MDFIC2: variants seen among roughly 807,000 people sequenced by gnomAD.
MDFIC2 encodes myoD family inhibitor domain-containing protein 2.
chr3:70,274,927 A>C (rs1048052776), intron 2 of MDFIC2, among the ~76,000 whole-genome samples: 2 of 152,232 alleles, frequency 1.3e-5, no homozygotes, highest in African/African-American at 4.8e-5. Context: ...AGTTTGGCAA[A>C]ATGAGTTATA....
At chr3:70,212,338 A>G (rs1219781531) in intron 2 of MDFIC2, among the ~76,000 whole-genome samples, 2 of 152,108 alleles carry the variant, frequency 1.3e-5, no homozygotes, top group Non-Finnish European at 2.9e-5. Context: ...GCCTCTTTCT[A>G]CTAAGCCCCT....
At chr3:70,226,737 TAAA>T (rs369777217) in intron 2 of MDFIC2, among the ~76,000 whole-genome samples, 7 of 121,406 alleles carry the variant, frequency 5.8e-5, no homozygotes, top group African/African-American at 2.2e-4. Context: ...GACTCTGTCT[TAAA>T]AAAAAAAAAA....
In MDFIC2 at chr3:70,283,573, T is replaced by A. The variant is rs559816883; in HGVS notation, c.88+28313A>T. On this transcript the variant is annotated intron_variant, in intron 2 of 3. Coordinates refer to ENST00000567252, the MANE Select transcript of MDFIC2 (RefSeq NM_001364677.1). ...GCCTCCCCTAGCCTCTGTTACCTCATCTATACAATGAGCTTGGTTGTGTCC... is the reference window on the plus strand; with the variant it reads ...GCCTCCCCTAGCCTCTGTTACCTCAACTATACAATGAGCTTGGTTGTGTCC... 2.0e-5 allele frequency: 3 copies of A among 152,210 alleles called. No homozygotes were observed. The East Asian group carries it at 5.8e-4, about 30-fold the overall frequency. 9.4% of individuals were successfully genotyped at this position (152,210 alleles called of 1,614,324 possible).
rs1701176365 is a variant in MDFIC2, at chr3:70,196,075, GCTGAAT to G, written c.*845_*850del. 6.6e-6 allele frequency among the ~76,000 whole-genome samples: 1 copy of G among 152,264 alleles called. No homozygotes were observed. The highest frequency in any genetic ancestry group is 1.9e-4 in the East Asian group (1 of 5,182). On this transcript the variant is annotated 3_prime_UTR_variant, in exon 4 of 4. Transcript: ENST00000567252. ...TACAAATGATAGTTTTGTAAAATGA[GCTGAAT>G]CTGTTTTAATATCCTGTTGCTTATT...
At chr3:70,198,663 G>A (rs1391853825) in intron 3 of MDFIC2, among the ~76,000 whole-genome samples, 1 of 152,060 alleles carries the variant, frequency 6.6e-6, no homozygotes, top group Non-Finnish European at 1.5e-5. Flanking sequence ...ACCACACCAT[G>A]ACTGTTATGA....
intron 2 of MDFIC2, among the ~76,000 whole-genome samples, chr3:70,250,409 T>TCACACACACACACACACA (rs1491108341): frequency 7.9e-6 from 1 of 126,222 alleles, no homozygotes; most frequent in Non-Finnish European, 1.7e-5. Flanking sequence ...TTTTAATGAA[T>TCACACACACACACACACA]CTCACACACA....
chr3:70,265,647 T>C (rs546786627), intron 2 of MDFIC2, among the ~76,000 whole-genome samples: 1 of 152,352 alleles, frequency 6.6e-6, no homozygotes, highest in African/African-American at 2.4e-5. Context: ...CTCCATGTGC[T>C]TTGCACCTTA....
At chr3:70,303,500 G>T (rs920545370) in intron 2 of MDFIC2, among the ~76,000 whole-genome samples, 2 of 152,116 alleles carry the variant, frequency 1.3e-5, no homozygotes, top group Non-Finnish European at 2.9e-5. Flanking sequence ...ATTAGTTCCT[G>T]ATTCTCCTGA....
At chr3:70,253,140 A>C (rs560037349) in intron 2 of MDFIC2, among the ~76,000 whole-genome samples, 1 of 152,306 alleles carries the variant, frequency 6.6e-6, no homozygotes, top group South Asian at 2.1e-4. Flanking sequence ...TTGGATTGTG[A>C]TAAGTGCTAA....
chr3:70,286,226 A>C (rs1471570371), intron 2 of MDFIC2, among the ~76,000 whole-genome samples: 1 of 152,116 alleles, frequency 6.6e-6, no homozygotes, highest in African/African-American at 2.4e-5. Flanking sequence ...ATCTTGAATT[A>C]ATTTTTGTAT....
chr3:70,250,090 CCTT>C (rs1378176429), intron 2 of MDFIC2, among the ~76,000 whole-genome samples: 1 of 152,014 alleles, frequency 6.6e-6, no homozygotes, highest in African/African-American at 2.4e-5. Flanking sequence ...ATTTTACATC[CCTT>C]CTTCTATTTA....
chr3:70,308,211 C>A (rs1237116321), intron 2 of MDFIC2, among the ~76,000 whole-genome samples: 2 of 151,136 alleles, frequency 1.3e-5, no homozygotes, highest in Admixed American at 6.6e-5. Flanking sequence ...CCATTACACC[C>A]AGCTAATTTT....
intron 2 of MDFIC2, among the ~76,000 whole-genome samples, chr3:70,293,768 A>G (rs900390023): frequency 6.6e-6 from 1 of 152,058 alleles, no homozygotes; most frequent in African/African-American, 2.4e-5. Context: ...AAAATATAAC[A>G]ATGAGTATCT....
intron 2 of MDFIC2, among the ~76,000 whole-genome samples, chr3:70,309,353 G>A (rs1004919023): frequency 5.9e-5 from 9 of 152,024 alleles, no homozygotes; most frequent in Admixed American, 3.3e-4. Context: ...ACTATAAAAA[G>A]CATTGTTGCT....
At chr3:70,215,203 G>T (rs1223294456) in intron 2 of MDFIC2, among the ~76,000 whole-genome samples, 1 of 152,096 alleles carries the variant, frequency 6.6e-6, no homozygotes, top group African/African-American at 2.4e-5. Flanking sequence ...ATTATTACAT[G>T]AATGAGGAAA....
intron 2 of MDFIC2, among the ~76,000 whole-genome samples, chr3:70,214,987 A>G (rs1272411543): frequency 6.6e-6 from 1 of 152,152 alleles, no homozygotes; most frequent in Non-Finnish European, 1.5e-5. Flanking sequence ...AAACTCATGC[A>G]TGATTGGTAT....
Position 70,194,687 on chromosome 3 carries a change from A to G in MDFIC2, c.*2239T>C, listed in dbSNP as rs1217865169. On this transcript the variant is annotated 3_prime_UTR_variant, in exon 4 of 4. Coordinates refer to ENST00000567252, the MANE Select transcript of MDFIC2 (RefSeq NM_001364677.1). ...CTGGTGATTTTTATGTCTCTAATTG[A>G]CAAGCATTCAATTCACATTTGAAAT... is the stretch of plus-strand genomic sequence containing the variant. 6.6e-6 allele frequency among the ~76,000 whole-genome samples: 1 copy of G among 152,206 alleles called. No homozygotes were observed.
intron 2 of MDFIC2, among the ~76,000 whole-genome samples, chr3:70,293,975 A>G (rs567593697): frequency 6.6e-6 from 1 of 152,206 alleles, no homozygotes; most frequent in African/African-American, 2.4e-5. Flanking sequence ...CAGAAGCTCA[A>G]GCTATCACTC....
chr3:70,277,848 G>A (rs1702042431), intron 2 of MDFIC2, among the ~76,000 whole-genome samples: 1 of 152,098 alleles, frequency 6.6e-6, no homozygotes, highest in African/African-American at 2.4e-5. Flanking sequence ...GGAGACGAAA[G>A]GGCAAGACAG....
Sources: allele counts gnomAD v4.1 joint callset (sites outside exome capture counted in the v4.1 genomes callset), GRCh38; gene constraint gnomAD v4.1.1; transcripts MANE v1.5; gene names NCBI Gene and HGNC (gene_info 2026-07-23, HGNC 2026-07-21).